TTLL5: variants seen among roughly 807,000 people sequenced by gnomAD.
TTLL5 encodes tubulin polyglutamylase TTLL5.
TTLL5 carries 132 observed loss-of-function variants against 168.4 expected under a neutral mutation model. The observed-to-expected ratio is 0.78, with a 90% confidence interval of 0.68 to 0.91. The LOEUF is 0.91. Ranked by LOEUF, TTLL5 falls within the 40% of genes least tolerant of loss-of-function variation. TTLL5 has a pLI of 0.00. For synonymous variants in TTLL5, 546 were observed against 558.6 expected (o/e 0.98, Z 0.32); for missense variants, 1,545 against 1,581.5 (o/e 0.98, Z 0.39).
intron 10 of TTLL5, 148 bp from the exon 11 acceptor site, chr14:75,719,587 G>T: frequency 1.6e-6 from 1 of 608,088 alleles, no homozygotes. Context: ...ATGACAAAAA[G>T]GACCAAGAAA....
chr14:75,863,829 G>T lies in TTLL5; in HGVS notation c.3489G>T (p.Arg1163=). The change falls in exon 29 of 32, where the codon CGG becomes CGT. Residue 1163 remains arginine, a synonymous_variant. Transcript: ENST00000298832. ...QQLEQQKLQS[R]QLLDQSRARH... ...TTGAACAACAAAAACTTCAGTCCCG[G>T]CAGCTCCTGGACCAGAGTCGAGCCC... 6.3e-7 allele frequency: 1 copy of T among 1,585,192 alleles called. No homozygotes were observed. Among genetic ancestry groups the T allele is most frequent in the Non-Finnish European group, 8.6e-7 (1 of 1,166,042 alleles).
chr14:75,678,145 A>G (rs966639594), intron 3 of TTLL5, among the ~76,000 whole-genome samples: 5 of 152,326 alleles, frequency 3.3e-5, no homozygotes, highest in East Asian at 1.9e-4. Context: ...CATGGTTATC[A>G]TAATGAAAGG....
At chr14:75,733,533 T>TA (rs1481331279) in intron 13 of TTLL5, among the ~76,000 whole-genome samples, 1 of 152,128 alleles carries the variant, frequency 6.6e-6, no homozygotes, top group Admixed American at 6.5e-5. Flanking sequence ...ATAAAGACTT[T>TA]AAAAAGTACC....
At chr14:75,953,406 T>C (rs1056489854) in intron 31 of TTLL5, among the ~76,000 whole-genome samples, 14 of 152,154 alleles carry the variant, frequency 9.2e-5, no homozygotes, top group African/African-American at 3.4e-4. Context: ...CCCAAAGAAA[T>C]TCTACCAGTA....
At chr14:75,707,582 A>C in intron 8 of TTLL5, 41 bp from the exon 9 acceptor site, 1 of 1,569,194 alleles carries the variant, frequency 6.4e-7, no homozygotes, top group African/African-American at 1.4e-5. Context: ...GAAACAAATG[A>C]ACTTAGTTTT....
chr14:75,769,190 A>G (rs1041271889), intron 20 of TTLL5, among the ~76,000 whole-genome samples: 3 of 152,168 alleles, frequency 2.0e-5, no homozygotes, highest in Non-Finnish European at 4.4e-5. Flanking sequence ...AACTGTTAAA[A>G]TTGCAGGCTG....
intron 18 of TTLL5, among the ~76,000 whole-genome samples, chr14:75,753,227 G>C (rs1277452372): frequency 6.6e-6 from 1 of 152,162 alleles, no homozygotes; most frequent in Non-Finnish European, 1.5e-5. Context: ...CTTTAAGGAA[G>C]GCCTTTACTT....
rs1444759750 is a variant in TTLL5, at chr14:75,775,459, TCTCCCACGAC to T, written c.2137-24_2137-15del. 3.7e-6 allele frequency: 6 copies of T among 1,610,198 alleles called. No homozygotes were observed. The highest frequency in any genetic ancestry group is 1.3e-5 in the African/African-American group (1 of 74,702). Reference sequence around the variant, plus strand: ...CTTAGCACCATCCCTCCTTTTTTTTTCTCCCACGACTCTTTAATTTATAGGAGCTGGTTGT... The same window carrying T: ...CTTAGCACCATCCCTCCTTTTTTTTTTCTTTAATTTATAGGAGCTGGTTGT... On this transcript the variant is annotated splice_polypyrimidine_tract_variant and intron_variant, in intron 21 of 31. Coordinates refer to ENST00000298832, the MANE Select transcript of TTLL5 (RefSeq NM_015072.5).
chr14:75,880,996 C>T (rs1354988169), intron 29 of TTLL5, among the ~76,000 whole-genome samples: 2 of 152,028 alleles, frequency 1.3e-5, no homozygotes, highest in Non-Finnish European at 2.9e-5. Flanking sequence ...CCTTTGCAAC[C>T]TTCACCTCCC....
intron 31 of TTLL5, among the ~76,000 whole-genome samples, chr14:75,913,398 C>T (rs1423709029): frequency 6.6e-6 from 1 of 152,082 alleles, no homozygotes; most frequent in Non-Finnish European, 1.5e-5. Flanking sequence ...TCTGTAATTA[C>T]CTCTATCATG....
At chr14:75,868,177 C>T (rs1431861426) in intron 29 of TTLL5, among the ~76,000 whole-genome samples, 1 of 152,162 alleles carries the variant, frequency 6.6e-6, no homozygotes, top group Non-Finnish European at 1.5e-5. Context: ...CCACTCCCTG[C>T]TTCCTTCCCT....
At chr14:75,737,185 C>T (rs1364655657) in intron 15 of TTLL5, among the ~76,000 whole-genome samples, 1 of 152,200 alleles carries the variant, frequency 6.6e-6, no homozygotes, top group East Asian at 1.9e-4. Context: ...GTTTTGCCAA[C>T]TGGTAGGTAA....
At chr14:75,787,709 G>A (rs990511401) in intron 26 of TTLL5, among the ~76,000 whole-genome samples, 5 of 152,222 alleles carry the variant, frequency 3.3e-5, no homozygotes, top group East Asian at 3.9e-4. Context: ...CGCCTCAAGC[G>A]TACATGATAT....
chr14:75,746,122 A>G (rs923472382), intron 17 of TTLL5, among the ~76,000 whole-genome samples: 1 of 152,186 alleles, frequency 6.6e-6, no homozygotes, highest in Admixed American at 6.5e-5. Flanking sequence ...CTGCCTTCTG[A>G]CATTACAGTT....
At chr14:75,747,238 T>C (rs1889673226) in intron 17 of TTLL5, among the ~76,000 whole-genome samples, 1 of 152,162 alleles carries the variant, frequency 6.6e-6, no homozygotes, top group African/African-American at 2.4e-5. Context: ...GAAATTTTCA[T>C]TTCAGATATT....
intron 29 of TTLL5, among the ~76,000 whole-genome samples, chr14:75,867,360 A>T: frequency 6.6e-6 from 1 of 152,194 alleles, no homozygotes; most frequent in East Asian, 1.9e-4. Context: ...TAACCTAATG[A>T]ATAGGCAGAA....
At chr14:75,917,468 T>G (rs1454375365) in intron 31 of TTLL5, among the ~76,000 whole-genome samples, 1 of 152,230 alleles carries the variant, frequency 6.6e-6, no homozygotes, top group Non-Finnish European at 1.5e-5. Flanking sequence ...AAGCGGCTGG[T>G]GATCAGGCCC....
intron 22 of TTLL5, 26 bp downstream of exon 22, chr14:75,775,656 G>T (rs773284847): frequency 6.2e-7 from 1 of 1,612,754 alleles, no homozygotes; most frequent in South Asian, 1.1e-5. Context: ...TTAGTCTTGT[G>T]CTTTGGATTG....
intron 4 of TTLL5, among the ~76,000 whole-genome samples, chr14:75,682,364 G>A (rs1459083951): frequency 1.3e-5 from 2 of 152,148 alleles, no homozygotes; most frequent in African/African-American, 4.8e-5. Context: ...GTCCCCGAGT[G>A]AAGGTCAGAT....
Sources: gnomAD v4.1 joint callset for allele counts (sites outside exome capture counted in the v4.1 genomes callset) on GRCh38, gnomAD v4.1.1 for gene constraint, MANE v1.5 for transcripts, NCBI Gene and HGNC (gene_info 2026-07-23, HGNC 2026-07-21) for gene names.